ARHGEF7: variants seen among roughly 807,000 people sequenced by gnomAD.
The protein encoded by ARHGEF7 is Rho guanine nucleotide exchange factor 7, also known as PAK-interacting exchange factor beta.
In ARHGEF7, 33 loss-of-function variants were observed where a neutral mutation model predicts 109.8. The ratio of observed to expected loss-of-function variants is 0.30; its 90% CI spans 0.23 to 0.40. ARHGEF7 has a LOEUF of 0.40. ARHGEF7 is among the 10% of genes least tolerant of loss of function. ARHGEF7 has a pLI of 1.00. For missense variants in ARHGEF7, 938 were observed against 1,098.5 expected (o/e 0.85, Z 2.07); for synonymous variants, 458 against 424.6 (o/e 1.08, Z -0.97).
At chr13:111,194,542 GAT>G (rs2080275949) in intron 2 of ARHGEF7, among the ~76,000 whole-genome samples, 1 of 152,240 alleles carries the variant, frequency 6.6e-6, no homozygotes. Flanking sequence ...ATTAGGCCTA[GAT>G]ATTTGACCTG....
intron 2 of ARHGEF7, among the ~76,000 whole-genome samples, chr13:111,168,031 TG>T (rs1422519040): frequency 6.6e-6 from 1 of 151,740 alleles, no homozygotes; most frequent in Non-Finnish European, 1.5e-5. Context: ...GCCTCGATAA[TG>T]TTCCCTCCTT....
At chr13:111,205,400 G>A in intron 3 of ARHGEF7, 27 bp downstream of exon 3, 2 of 1,520,842 alleles carry the variant, frequency 1.3e-6, no homozygotes, top group Non-Finnish European at 1.8e-6. Flanking sequence ...TTGAACTCGA[G>A]GGGGTGGGAA....
chr13:111,154,350 C>T (rs141559660), intron 2 of ARHGEF7, among the ~76,000 whole-genome samples: 1 of 152,208 alleles, frequency 6.6e-6, no homozygotes, highest in Non-Finnish European at 1.5e-5. Context: ...TCAGCATGAA[C>T]TCTGCTTTTA....
chr13:111,153,603 A>C (rs780219521), intron 1 of ARHGEF7: 1 of 1,148,104 alleles, frequency 8.7e-7, no homozygotes, highest in Non-Finnish European at 1.1e-6. Flanking sequence ...ACGCTATCCG[A>C]AGACGTCCCG....
At chr13:111,133,443 C>T (rs562386465) in intron 1 of ARHGEF7, among the ~76,000 whole-genome samples, 10 of 151,964 alleles carry the variant, frequency 6.6e-5, no homozygotes, top group African/African-American at 1.2e-4. Flanking sequence ...AGCTTATGGG[C>T]GGAAAATATC....
chr13:111,206,476 G>T (rs1426072679), intron 3 of ARHGEF7, among the ~76,000 whole-genome samples: 2 of 152,164 alleles, frequency 1.3e-5, no homozygotes, highest in Non-Finnish European at 2.9e-5. Flanking sequence ...CCAGGCAGAG[G>T]TGTGGCTGTG....
At chr13:111,294,690 G>C in intron 19 of ARHGEF7, 1 of 985,458 alleles carries the variant, frequency 1.0e-6, no homozygotes, top group Non-Finnish European at 1.2e-6. Context: ...GTGGCATCCA[G>C]AGGGCCATTG....
intron 1 of ARHGEF7, among the ~76,000 whole-genome samples, chr13:111,133,763 TTATATATATATA>T (rs763290549): frequency 1.1e-3 from 8 of 7,382 alleles, no homozygotes; most frequent in African/African-American, 4.5e-3. Flanking sequence ...CTGCTTTTCT[TTATATATATATA>T]TATATATATA....
intron 8 of ARHGEF7, among the ~76,000 whole-genome samples, chr13:111,249,538 C>T (rs994971524): frequency 7.2e-5 from 11 of 151,894 alleles, no homozygotes; most frequent in African/African-American, 2.4e-4. Context: ...GCATTTTACA[C>T]GGGAAAGGGG....
intron 1 of ARHGEF7, among the ~76,000 whole-genome samples, chr13:111,137,026 C>T (rs933433923): frequency 3.3e-5 from 5 of 152,050 alleles, no homozygotes; most frequent in Admixed American, 3.3e-4. Context: ...ACACATACAC[C>T]CTCCAAAGAC....
At chr13:111,150,391 A>G (rs889764061) in intron 1 of ARHGEF7, among the ~76,000 whole-genome samples, 1 of 152,230 alleles carries the variant, frequency 6.6e-6, no homozygotes, top group African/African-American at 2.4e-5. Context: ...TTGCCATCTC[A>G]TCCAGGTTTT....
chr13:111,206,236 G>T (rs866759440), intron 3 of ARHGEF7, among the ~76,000 whole-genome samples: 25 of 151,858 alleles, frequency 1.6e-4, no homozygotes, highest in African/African-American at 4.3e-4. Context: ...CCTTCAGAGG[G>T]GGGGGTGTAC....
At chr13:111,283,094 G>A (rs754020412) in intron 15 of ARHGEF7, 45 bp from the exon 16 acceptor site, 30 of 1,549,606 alleles carry the variant, frequency 1.9e-5, no homozygotes, top group East Asian at 2.4e-5. Flanking sequence ...CGGTGAGCAC[G>A]CGAGTCTCAT....
chr13:111,223,875 G>A (rs1267488789), intron 5 of ARHGEF7, among the ~76,000 whole-genome samples: 1 of 102,010 alleles, frequency 9.8e-6, no homozygotes, highest in South Asian at 2.9e-4. Context: ...TTTTTTTTTT[G>A]AGACAGAGTC....
chr13:111,233,062 G>T (rs2086318417), intron 5 of ARHGEF7, 143 bp from the exon 6 acceptor site: 1 of 696,976 alleles, frequency 1.4e-6, no homozygotes, highest in Admixed American at 2.1e-5. Flanking sequence ...GAGGGTCACT[G>T]TGGATGGCCT....
chr13:111,184,203 A>AGAGGT (rs1482176174), intron 2 of ARHGEF7, among the ~76,000 whole-genome samples: 2 of 152,144 alleles, frequency 1.3e-5, no homozygotes, highest in African/African-American at 4.8e-5. Context: ...TGTCCTGTGA[A>AGAGGT]GAGGTGCCTT....
In ARHGEF7 at chr13:111,200,329, A is replaced by AT. The variant is rs201366400; in HGVS notation, c.253-4951dup. Among the ~76,000 whole-genome samples, 353 of 148,842 alleles carry AT rather than the reference A, an allele frequency of 2.4e-3. 10 individuals carry two copies. In the East Asian group the frequency reaches 0.052, roughly 22 times the overall value. ...AATGAATGCCCACTTGCCTTAACTC[A>AT]TTTTTTTTTCTCTTATTGTCCTGTA... is the stretch of plus-strand genomic sequence containing the variant. On this transcript the variant is annotated intron_variant, in intron 2 of 21. Coordinates refer to ENST00000646102, the MANE Select transcript of ARHGEF7 (RefSeq NM_001354046.2).
rs138655540 is a variant in ARHGEF7, at chr13:111,138,760, T to C, written c.166-15145T>C. Among the ~76,000 whole-genome samples, 132 of 152,282 alleles carry C rather than the reference T, an allele frequency of 8.7e-4. 3 individuals carry two copies. The East Asian group carries it at 0.022, about 25-fold the overall frequency. On this transcript the variant is annotated intron_variant, in intron 1 of 21. Transcript: ENST00000646102. ...TGAGGGTCCATTTGTAAAAACTGAA[T>C]GTGGAGAAAATGATGACAATTTTGA...
intron 2 of ARHGEF7, among the ~76,000 whole-genome samples, chr13:111,203,627 T>C (rs1032438410): frequency 2.4e-4 from 36 of 152,254 alleles, no homozygotes; most frequent in Admixed American, 1.4e-3. Flanking sequence ...TTTAAGAAAG[T>C]GACCTCTGGT....
Sources: gnomAD v4.1 joint callset for allele counts (sites outside exome capture counted in the v4.1 genomes callset) on GRCh38, gnomAD v4.1.1 for gene constraint, MANE v1.5 for transcripts, NCBI Gene and HGNC (gene_info 2026-07-23, HGNC 2026-07-21) for gene names.